RGS7: variants seen among roughly 807,000 people sequenced by gnomAD.
RGS7 encodes the protein regulator of G-protein signaling 7.
In RGS7, 27 loss-of-function variants were observed where a neutral mutation model predicts 81.1. The observed-to-expected ratio is 0.33, with a 90% CI of 0.25 to 0.46. The LOEUF is 0.46. Among genes scored for constraint, RGS7 ranks in the 20% least tolerant of loss-of-function variants. RGS7 has a pLI of 1.00. For synonymous variants in RGS7, 208 were observed against 207.7 expected, an observed-to-expected ratio of 1.00 and a Z score of -0.01; for missense variants, 396 against 607.4, an observed-to-expected ratio of 0.65 and a Z score of 3.66.
rs186334950 is a variant in RGS7, at chr1:241,329,116, A to G, written c.78+26583T>C. On this transcript the variant is annotated intron_variant, in intron 2 of 18. Coordinates refer to ENST00000440928, the MANE Select transcript of RGS7 (RefSeq NM_001364886.1). ...AAAGCTTCATATCTGTAAAATGCCA[A>G]TAACATTCAGTCTATCCTTCCTCAT... 3.1e-3 allele frequency among the ~76,000 whole-genome samples: 476 copies of G among 152,322 alleles called. 5 individuals carry two copies. The highest frequency in any genetic ancestry group is 3.0e-3 in the Non-Finnish European group (201 of 68,034).
intron 6 of RGS7, among the ~76,000 whole-genome samples, chr1:240,896,491 T>A (rs1015655792): frequency 6.6e-6 from 1 of 152,228 alleles, no homozygotes; most frequent in African/African-American, 2.4e-5. Flanking sequence ...CAGTTTCAGC[T>A]TTCTACCTAT....
intron 2 of RGS7, among the ~76,000 whole-genome samples, chr1:241,185,580 G>A (rs531276323): frequency 1.6e-4 from 25 of 152,016 alleles, no homozygotes; most frequent in Admixed American, 4.6e-4. Flanking sequence ...AAATTAGACC[G>A]TATTCTGAGC....
chr1:241,277,293 G>C (rs2078244101), intron 2 of RGS7, among the ~76,000 whole-genome samples: 4 of 152,000 alleles, frequency 2.6e-5, no homozygotes, highest in Admixed American at 2.0e-4. Context: ...TCTGTATTTT[G>C]ATCTTTATGT....
chr1:240,941,630 A>G (rs1464325118), intron 4 of RGS7, among the ~76,000 whole-genome samples: 1 of 152,038 alleles, frequency 6.6e-6, no homozygotes, highest in African/African-American at 2.4e-5. Context: ...GTTGTGAGAA[A>G]ATATAATAGT....
intron 6 of RGS7, among the ~76,000 whole-genome samples, chr1:240,914,034 G>A (rs1490640982): frequency 1.3e-5 from 2 of 150,840 alleles, no homozygotes; most frequent in Admixed American, 1.3e-4. Flanking sequence ...CTAGCATTAG[G>A]TATATCTCCC....
At chr1:241,023,160 T>A (rs950478801) in intron 3 of RGS7, among the ~76,000 whole-genome samples, 79 of 151,074 alleles carry the variant, frequency 5.2e-4, no homozygotes, top group African/African-American at 1.9e-3. Context: ...ATAGTTGTCA[T>A]AATGATTAAA....
intron 6 of RGS7, among the ~76,000 whole-genome samples, chr1:240,895,500 A>G (rs1366900634): frequency 6.6e-6 from 1 of 151,208 alleles, no homozygotes; most frequent in African/African-American, 2.4e-5. Context: ...ATGTGTTCTC[A>G]TTGTTCAATT....
chr1:240,979,635 G>A (rs1684639911), intron 4 of RGS7, among the ~76,000 whole-genome samples: 1 of 152,138 alleles, frequency 6.6e-6, no homozygotes, highest in Non-Finnish European at 1.5e-5. Flanking sequence ...GGAGAGGTCA[G>A]CATGAAAGTT....
At position 241,315,038 on chromosome 1, in the gene RGS7, T is replaced by C. The variant is rs183639662; in HGVS notation, c.78+40661A>G. On this transcript the variant is annotated intron_variant, in intron 2 of 18. Transcript: ENST00000440928. ...AGACAGAGTAAGAAAAAGGATGGCA[T>C]CAAGAATAGCTTCAAGGTGTTTTAT... 2.1e-3 allele frequency among the ~76,000 whole-genome samples: 308 copies of C among 146,298 alleles called. 1 individual carries two copies. The highest frequency in any genetic ancestry group is 0.015 in the Middle Eastern group (4 of 270).
chr1:240,831,424 T>C (rs1044837258), intron 9 of RGS7, among the ~76,000 whole-genome samples: 3 of 152,212 alleles, frequency 2.0e-5, no homozygotes, highest in South Asian at 2.1e-4. Context: ...AATTCTCTTA[T>C]GTATTCAATA....
intron 18 of RGS7, among the ~76,000 whole-genome samples, chr1:240,793,753 G>A (rs562244016): frequency 6.6e-6 from 1 of 151,374 alleles, no homozygotes; most frequent in African/African-American, 2.4e-5. Flanking sequence ...GGGACTACAG[G>A]TGTCCGCCAC....
At chr1:241,107,656 G>A (rs2065208721) in intron 2 of RGS7, among the ~76,000 whole-genome samples, 1 of 152,172 alleles carries the variant, frequency 6.6e-6, no homozygotes, top group African/African-American at 2.4e-5. Context: ...TTCTTTTGGA[G>A]TCTGTGTTAC....
At chr1:241,181,954 C>CA (rs1401276727) in intron 2 of RGS7, among the ~76,000 whole-genome samples, 1 of 152,170 alleles carries the variant, frequency 6.6e-6, no homozygotes, top group Non-Finnish European at 1.5e-5. Flanking sequence ...TCCTGCCCCC[C>CA]AAAGTGCTGG....
intron 2 of RGS7, among the ~76,000 whole-genome samples, chr1:241,323,735 G>C (rs2081336200): frequency 6.6e-6 from 1 of 152,158 alleles, no homozygotes; most frequent in Admixed American, 6.5e-5. Context: ...ATACCCTGAG[G>C]TTCTGATTCC....
At chr1:241,005,224 GA>G (rs76323832) in intron 3 of RGS7, among the ~76,000 whole-genome samples, 6,892 of 152,206 alleles carry the variant, frequency 0.045, 194 homozygotes, top group East Asian at 0.071. Flanking sequence ...GCAATATACA[GA>G]AGTTTAACTA....
At chr1:240,817,979 C>T (rs919508643) in intron 10 of RGS7, among the ~76,000 whole-genome samples, 5 of 152,186 alleles carry the variant, frequency 3.3e-5, no homozygotes, top group African/African-American at 1.2e-4. Context: ...AATCTATTCC[C>T]AGACTATCTT....
intron 2 of RGS7, among the ~76,000 whole-genome samples, chr1:241,310,913 G>A (rs2080489395): frequency 1.3e-5 from 2 of 152,224 alleles, no homozygotes; most frequent in South Asian, 4.1e-4. Flanking sequence ...AGTGGTCAAA[G>A]AAATTAGCCA....
At chr1:241,154,208 T>G (rs1262006680) in intron 2 of RGS7, among the ~76,000 whole-genome samples, 1 of 152,134 alleles carries the variant, frequency 6.6e-6, no homozygotes, top group African/African-American at 2.4e-5. Context: ...GGAGACAGGA[T>G]AGTGGAGGCT....
At chr1:240,854,979 G>A (rs748199720) in intron 9 of RGS7, among the ~76,000 whole-genome samples, 2 of 152,060 alleles carry the variant, frequency 1.3e-5, no homozygotes, top group African/African-American at 2.4e-5. Context: ...GGACGTTACA[G>A]GCCAAACAGG....
Sources: allele counts gnomAD v4.1 joint callset (sites outside exome capture counted in the v4.1 genomes callset), GRCh38; gene constraint gnomAD v4.1.1; transcripts MANE v1.5; gene names NCBI Gene and HGNC (gene_info 2026-07-23, HGNC 2026-07-21).